The following RYK variants were observed in gnomAD, a reference collection of about 807,000 sequenced individuals.
RYK encodes the protein receptor like tyrosine kinase.
In RYK, 21 loss-of-function variants were observed where a neutral mutation model predicts 70.2. The ratio of observed to expected loss-of-function variants is 0.30; its 90% CI spans 0.21 to 0.43. The LOEUF (loss-of-function observed/expected upper bound fraction) is 0.43, where lower values mean the gene tolerates loss of function less well. Among genes scored for constraint, RYK ranks in the 20% least tolerant of loss-of-function variants. RYK has a pLI of 1.00. For missense variants in RYK, 604 were observed against 753.3 expected (o/e 0.80, Z 2.32); for synonymous variants, 267 against 278.0 (o/e 0.96, Z 0.39).
chr3:134,241,703 T>C (rs996303401), intron 1 of RYK, among the ~76,000 whole-genome samples: 6 of 152,252 alleles, frequency 3.9e-5, no homozygotes, highest in African/African-American at 9.6e-5. Flanking sequence ...CTAAGTCAAC[T>C]GTCAACCTTC....
chr3:134,177,958 C>T lies in RYK; in HGVS notation c.1288G>A (p.Glu430Lys). 6.2e-7 allele frequency: 1 copy of T among 1,611,838 alleles called. No homozygotes were observed. The highest frequency in any genetic ancestry group is 1.7e-5 in the Admixed American group (1 of 59,648). The change falls in exon 11 of 15, where the codon GAG becomes AAG. Residue 430 changes from glutamate to lysine, a missense_variant. Coordinates refer to ENST00000623711, the MANE Select transcript of RYK (RefSeq NM_002958.4). Reference protein sequence around the residue: ...KLFLRQCKLVEANNPQAISQQ... With the variant: ...KLFLRQCKLVKANNPQAISQQ... Reference sequence around the variant, plus strand: ...TTTCTCACCTGTGGATTATTGGCCTCTACTAACTTGCACTGTCGTAAAAAC... The same window carrying T: ...TTTCTCACCTGTGGATTATTGGCCTTTACTAACTTGCACTGTCGTAAAAAC...
intron 13 of RYK, among the ~76,000 whole-genome samples, chr3:134,175,343 T>TAAAAA (rs75907041): frequency 6.2e-5 from 8 of 128,908 alleles, no homozygotes; most frequent in African/African-American, 2.3e-4. Context: ...AACTCTGTCT[T>TAAAAA]AAAAAAAAAA....
Position 134,158,177 on chromosome 3 carries a change from A to G in RYK, c.1800T>C (p.His600=). Residue 600 remains histidine (H), a synonymous_variant, in exon 15 of 15, where the codon CAT becomes CAC. Coordinates refer to ENST00000623711, the MANE Select transcript of RYK (RefSeq NM_002958.4). ...QQLVQCLTEF[H]AALGAYV ...GTCAGACGTAGGCCCCCAGGGCTGC[A>G]TGAAACTCTGTTAGGCACTGTACCA... 2 of 1,549,114 alleles carry G rather than the reference A, an allele frequency of 1.3e-6. No homozygotes were observed. Among genetic ancestry groups the G allele is most frequent in the East Asian group, 2.4e-5 (1 of 42,214 alleles).
chr3:134,175,484 T>C (rs936289298), intron 13 of RYK, 125 bp downstream of exon 13: 6 of 1,129,652 alleles, frequency 5.3e-6, no homozygotes, highest in African/African-American at 4.7e-5. Context: ...ACTTGCTTTC[T>C]GGATAAAAAT....
intron 5 of RYK, among the ~76,000 whole-genome samples, chr3:134,205,010 T>C (rs559696750): frequency 6.6e-6 from 1 of 152,212 alleles, no homozygotes; most frequent in African/African-American, 2.4e-5. Flanking sequence ...GTAAGTGGAT[T>C]TGGGAACACA....
chr3:134,196,627 A>G (rs2013823471), intron 6 of RYK, among the ~76,000 whole-genome samples: 1 of 143,862 alleles, frequency 7.0e-6, no homozygotes, highest in African/African-American at 2.6e-5. Context: ...ACACACACAC[A>G]CGGCTGCTAT....
chr3:134,248,300 G>A (rs2015520958), intron 1 of RYK, among the ~76,000 whole-genome samples: 1 of 152,058 alleles, frequency 6.6e-6, no homozygotes, highest in Non-Finnish European at 1.5e-5. Context: ...AGCATTTCTG[G>A]GCATAAATTG....
chr3:134,157,578 T>C lies in RYK; in HGVS notation c.*575A>G, dbSNP rs3209809. ...CTTCTAATAAGTATTTTTAAAAAAA[T>C]TTTTTTTTCCTCTAGCTTTTCTTTA... On this transcript the variant is annotated 3_prime_UTR_variant, in exon 15 of 15. Coordinates refer to ENST00000623711, the MANE Select transcript of RYK (RefSeq NM_002958.4). 6.6e-6 allele frequency: 1 copy of C among 152,244 alleles called. No homozygotes were observed. Among genetic ancestry groups the C allele is most frequent in the Non-Finnish European group, 1.5e-5 (1 of 68,020 alleles). The allele number at this position is 152,244 out of a possible 1,614,324, so 9.4% of individuals were successfully genotyped here.
At chr3:134,249,696 A>G (rs561180186) in intron 1 of RYK, among the ~76,000 whole-genome samples, 31 of 152,284 alleles carry the variant, frequency 2.0e-4, no homozygotes, top group African/African-American at 7.2e-4. Flanking sequence ...CAAGATACTC[A>G]AAAGTAGGAG....
chr3:134,233,567 C>T (rs1400580012), intron 1 of RYK, among the ~76,000 whole-genome samples: 1 of 152,062 alleles, frequency 6.6e-6, no homozygotes, highest in Non-Finnish European at 1.5e-5. Context: ...AAACTACCAG[C>T]AACAGAGCAA....
chr3:134,220,598 G>A (rs1264326267), intron 2 of RYK, among the ~76,000 whole-genome samples: 1 of 152,134 alleles, frequency 6.6e-6, no homozygotes, highest in East Asian at 1.9e-4. Flanking sequence ...TTACTATTCA[G>A]AAATAAGGCC....
intron 10 of RYK, chr3:134,178,938 C>A (rs1310785636): frequency 1.3e-5 from 2 of 152,130 alleles, no homozygotes; most frequent in East Asian, 3.9e-4. Flanking sequence ...CCCAACACTT[C>A]GTAATCTATG....
chr3:134,233,688 C>T lies in RYK; in HGVS notation c.233-11149G>A, dbSNP rs116075076. On this transcript the variant is annotated intron_variant, in intron 1 of 14. Transcript: ENST00000623711. ...AAGTCATGATATCCTCTCAACTAAA[C>T]TGCTCCCTGTTCATCTCTCTAACAT... 3.1e-3 allele frequency among the ~76,000 whole-genome samples: 477 copies of T among 152,262 alleles called. 1 individual carries two copies. The highest frequency in any genetic ancestry group is 0.011 in the African/African-American group (442 of 41,552).
chr3:134,221,026 A>G (rs1400410549), intron 2 of RYK, among the ~76,000 whole-genome samples: 1 of 151,974 alleles, frequency 6.6e-6, no homozygotes, highest in Admixed American at 6.5e-5. Flanking sequence ...AGAGAAAAAG[A>G]AAGATGCCTA....
intron 3 of RYK, among the ~76,000 whole-genome samples, chr3:134,210,687 G>C (rs1341492121): frequency 2.0e-5 from 3 of 152,124 alleles, no homozygotes; most frequent in Non-Finnish European, 4.4e-5. Context: ...TAGCTCAAAA[G>C]CAGTTAAATT....
At chr3:134,210,626 T>C (rs2107679175) in intron 3 of RYK, among the ~76,000 whole-genome samples, 1 of 152,314 alleles carries the variant, frequency 6.6e-6, no homozygotes, top group East Asian at 1.9e-4. Flanking sequence ...CTTTCAATTT[T>C]TAAAAATATC....
intron 11 of RYK, among the ~76,000 whole-genome samples, chr3:134,177,092 C>A (rs920671008): frequency 2.0e-5 from 3 of 151,630 alleles, no homozygotes; most frequent in Non-Finnish European, 4.4e-5. Flanking sequence ...AAACCACACA[C>A]AAACCCAAAG....
At chr3:134,218,554 C>A (rs537303149) in intron 2 of RYK, among the ~76,000 whole-genome samples, 1 of 152,242 alleles carries the variant, frequency 6.6e-6, no homozygotes, top group African/African-American at 2.4e-5. Flanking sequence ...AATGAAAAAA[C>A]GGCATTTGTG....
chr3:134,245,971 A>G (rs1015907919), intron 1 of RYK, among the ~76,000 whole-genome samples: 2 of 152,188 alleles, frequency 1.3e-5, no homozygotes, highest in Admixed American at 1.3e-4. Context: ...GATATTTATG[A>G]CTTAAACAAA....
Sources: allele counts gnomAD v4.1 joint callset (sites outside exome capture counted in the v4.1 genomes callset), GRCh38; gene constraint gnomAD v4.1.1; transcripts MANE v1.5; gene names NCBI Gene and HGNC (gene_info 2026-07-23, HGNC 2026-07-21).